Variants in KCNMA1 observed in about 807,000 individuals in gnomAD.
KCNMA1 encodes the protein potassium calcium-activated channel subfamily M alpha 1.
Under a neutral mutation model 140.0 loss-of-function variants are expected in KCNMA1, and 29 were observed. The observed-to-expected ratio is 0.21, with a 90% confidence interval of 0.15 to 0.28. The LOEUF (loss-of-function observed/expected upper bound fraction) is 0.28, where lower values mean the gene tolerates loss of function less well. Ranked by LOEUF, KCNMA1 falls within the 10% of genes least tolerant of loss-of-function variation. The pLI, the probability that KCNMA1 is intolerant of heterozygous loss-of-function variation, is 1.00. For synonymous variants in KCNMA1, 612 were observed against 611.9 expected (o/e 1.00, Z 0.00); for missense variants, 880 against 1,602.2 (o/e 0.55, Z 7.70).
At chr10:77,462,471 A>T (rs2097896657) in intron 1 of KCNMA1, among the ~76,000 whole-genome samples, 1 of 152,230 alleles carries the variant, frequency 6.6e-6, no homozygotes, top group African/African-American at 2.4e-5. Context: ...ACATGTAAAC[A>T]TACATACACG....
rs370559179 is a variant in KCNMA1 at position 77,604,304 on chromosome 10, C to T, written c.378+32961G>A. Among the ~76,000 whole-genome samples the T allele has an allele frequency of 2.3e-4, 35 of 152,286 alleles. No individual in the cohort carries two copies. The South Asian group carries it at 6.8e-3, about 30-fold the overall frequency. The stretch of plus-strand genomic sequence containing the variant: ...CAAAACCCACAGTGGGCATAAAAAG[C>T]CTCTTTTGTCAAGGACAGTGAGGGA... On this transcript the variant is annotated intron_variant, in intron 1 of 27. Transcript: ENST00000286628.
chr10:77,539,552 G>T (rs1277460745), intron 1 of KCNMA1, among the ~76,000 whole-genome samples: 1 of 152,102 alleles, frequency 6.6e-6, no homozygotes, highest in Non-Finnish European at 1.5e-5. Flanking sequence ...CTCTGGCAGG[G>T]CCCCTCATCC....
At chr10:77,097,570 C>T (rs2096965815) in intron 9 of KCNMA1, among the ~76,000 whole-genome samples, 1 of 152,162 alleles carries the variant, frequency 6.6e-6, no homozygotes, top group Non-Finnish European at 1.5e-5. Context: ...ATTCCACCAC[C>T]CTGAATCTAC....
rs1011969162 is a variant in KCNMA1, at chr10:77,195,050, GTTA to G, written c.603-10137_603-10135del. ...TTGAAGTTTTGTTGTTGTTGTTGTT[GTTA>G]TTGTTGTTGTTGTTGTTGAGGATTT... is the stretch of plus-strand genomic sequence containing the variant. On this transcript the variant is annotated intron_variant, in intron 3 of 27. Coordinates refer to ENST00000286628, the MANE Select transcript of KCNMA1 (RefSeq NM_001161352.2). 1.1e-4 allele frequency among the ~76,000 whole-genome samples: 17 copies of G among 152,126 alleles called. No homozygotes were observed. In the East Asian group the frequency reaches 2.3e-3, roughly 21 times the overall value.
rs1471931749 is a variant in KCNMA1 at position 77,561,591 on chromosome 10, C to G, written c.378+75674G>C. On this transcript the variant is annotated intron_variant, in intron 1 of 27. Transcript: ENST00000286628. ...AAGCAGAGACTCGGGAAAGTTAAATCATTTGTGTCCACTCCACCCAGAAGC... is the reference window on the plus strand; with the variant it reads ...AAGCAGAGACTCGGGAAAGTTAAATGATTTGTGTCCACTCCACCCAGAAGC... Among the ~76,000 whole-genome samples, 4 of 152,272 alleles carry G rather than the reference C, an allele frequency of 2.6e-5. No homozygotes were observed. The East Asian group carries it at 5.8e-4, about 22-fold the overall frequency.
intron 2 of KCNMA1, among the ~76,000 whole-genome samples, chr10:77,257,472 C>T (rs2061015910): frequency 6.6e-6 from 1 of 152,158 alleles, no homozygotes; most frequent in African/African-American, 2.4e-5. Flanking sequence ...AGAAGCAACA[C>T]CACCCTCATT....
At chr10:77,307,932 T>C (rs2078237563) in intron 2 of KCNMA1, among the ~76,000 whole-genome samples, 1 of 152,222 alleles carries the variant, frequency 6.6e-6, no homozygotes, top group Non-Finnish European at 1.5e-5. Flanking sequence ...AAGCATCTCA[T>C]TCTACCTTGC....
intron 5 of KCNMA1, among the ~76,000 whole-genome samples, chr10:77,171,745 T>C (rs1229019009): frequency 6.6e-6 from 1 of 152,164 alleles, no homozygotes; most frequent in Non-Finnish European, 1.5e-5. Flanking sequence ...GGTTTAGGGT[T>C]GAACTCCAAC....
In KCNMA1 at chr10:77,215,906, CCTCT is replaced by C. The variant is rs144962422; in HGVS notation, c.603-30994_603-30991del. ...TCTCTCTCTCTCCTCTCTCCTCTCT[CCTCT>C]CTCTCTCTCTCTCTCTCTCTGCCGT... On this transcript the variant is annotated intron_variant, in intron 3 of 27. Transcript: ENST00000286628. 2.5e-3 allele frequency among the ~76,000 whole-genome samples: 354 copies of C among 138,840 alleles called. 1 individual carries two copies. Among genetic ancestry groups the C allele is most frequent in the African/African-American group, 7.6e-3 (287 of 37,670 alleles). 91.1% of individuals were successfully genotyped at this position (138,840 alleles called of 152,430 possible).
chr10:77,494,307 G>A (rs1358522717), intron 1 of KCNMA1, among the ~76,000 whole-genome samples: 1 of 152,188 alleles, frequency 6.6e-6, no homozygotes, highest in African/African-American at 2.4e-5. Context: ...TTCAGGCCAG[G>A]GCTGAATAGG....
intron 19 of KCNMA1, among the ~76,000 whole-genome samples, chr10:76,971,996 T>G (rs2153181733): frequency 6.6e-6 from 1 of 151,936 alleles, no homozygotes; most frequent in East Asian, 1.9e-4. Context: ...TGTGTGTGTG[T>G]GTAGGTATGC....
intron 1 of KCNMA1, among the ~76,000 whole-genome samples, chr10:77,492,838 T>C (rs1384901913): frequency 6.6e-6 from 1 of 152,244 alleles, no homozygotes; most frequent in Non-Finnish European, 1.5e-5. Flanking sequence ...CAGAGTATTG[T>C]AAGGTAAGAT....
At chr10:76,967,113 C>T (rs2074258536) in intron 20 of KCNMA1, among the ~76,000 whole-genome samples, 1 of 152,156 alleles carries the variant, frequency 6.6e-6, no homozygotes, top group Non-Finnish European at 1.5e-5. Flanking sequence ...TTGCAGAAGC[C>T]ACAGTGGTAA....
intron 3 of KCNMA1, among the ~76,000 whole-genome samples, chr10:77,213,044 A>G (rs577683767): frequency 2.0e-5 from 3 of 152,226 alleles, no homozygotes; most frequent in South Asian, 2.1e-4. Context: ...GTAGTTGACT[A>G]TCGTTTATTT....
chr10:76,941,055 G>GAAAAAGAAAGAAAGAA (rs2061983769), intron 23 of KCNMA1, among the ~76,000 whole-genome samples: 1 of 58,352 alleles, frequency 1.7e-5, no homozygotes, highest in Non-Finnish European at 3.6e-5. Flanking sequence ...GAAAGAAAGA[G>GAAAAAGAAAGAAAGAA]AAAGAAAGAA....
At chr10:77,528,562 TTG>T (rs1251398087) in intron 1 of KCNMA1, among the ~76,000 whole-genome samples, 3 of 151,264 alleles carry the variant, frequency 2.0e-5, no homozygotes, top group Admixed American at 1.3e-4. Context: ...TGAGCTGAGA[TTG>T]TGTCACTGCA....
chr10:77,362,330 G>GCCCCCC (rs2094020963), intron 2 of KCNMA1, among the ~76,000 whole-genome samples: 1 of 102,014 alleles, frequency 9.8e-6, no homozygotes, highest in Admixed American at 1.0e-4. Flanking sequence ...AATACCACCA[G>GCCCCCC]CCCCCACCCC....
At chr10:77,116,121 C>T (rs969174905) in intron 6 of KCNMA1, among the ~76,000 whole-genome samples, 2 of 152,202 alleles carry the variant, frequency 1.3e-5, no homozygotes, top group Non-Finnish European at 2.9e-5. Flanking sequence ...TGATTTGAAC[C>T]ATTCAGATTC....
intron 1 of KCNMA1, among the ~76,000 whole-genome samples, chr10:77,422,750 C>T (rs938689956): frequency 1.8e-4 from 27 of 152,208 alleles, no homozygotes; most frequent in Middle Eastern, 6.8e-3. Flanking sequence ...ATAGGGAGAA[C>T]GCCCCATGAC....
Sources: allele counts gnomAD v4.1 joint callset (sites outside exome capture counted in the v4.1 genomes callset), GRCh38; gene constraint gnomAD v4.1.1; transcripts MANE v1.5; gene names NCBI Gene and HGNC (gene_info 2026-07-23, HGNC 2026-07-21).